The following SPON1 variants were observed in gnomAD, a reference collection of about 807,000 sequenced individuals.
SPON1 encodes spondin-1.
SPON1 carries 52 observed loss-of-function variants against 111.7 expected under a neutral mutation model. That is an observed-to-expected ratio of 0.47 (90% CI 0.37 to 0.59). The LOEUF (loss-of-function observed/expected upper bound fraction) is 0.59. Ranked by LOEUF, SPON1 falls within the 20% of genes least tolerant of loss-of-function variation. The pLI, the probability that SPON1 is intolerant of heterozygous loss-of-function variation, is 0.00. For missense variants in SPON1, 957 were observed against 1,068.5 expected (o/e 0.90, Z 1.46); for synonymous variants, 410 against 395.8 (o/e 1.04, Z -0.43).
intron 7 of SPON1, among the ~76,000 whole-genome samples, chr11:14,244,432 C>A (rs1480353268): frequency 6.6e-6 from 1 of 151,658 alleles, no homozygotes; most frequent in African/African-American, 2.4e-5. Context: ...GCAGGAGAAT[C>A]ACTTGAACCA....
intron 5 of SPON1, among the ~76,000 whole-genome samples, chr11:14,115,128 C>T (rs959895386): frequency 6.6e-6 from 1 of 152,134 alleles, no homozygotes; most frequent in African/African-American, 2.4e-5. Context: ...TCCCTGATAC[C>T]ACCCCCATTA....
At chr11:14,211,071 G>T (rs1554936680) in intron 6 of SPON1, among the ~76,000 whole-genome samples, 2 of 152,122 alleles carry the variant, frequency 1.3e-5, no homozygotes, top group Admixed American at 6.6e-5. Flanking sequence ...CCTTAGGATT[G>T]TCTTGGCTAT....
chr11:14,024,660 T>G (rs556796960), intron 2 of SPON1, among the ~76,000 whole-genome samples: 1 of 152,286 alleles, frequency 6.6e-6, no homozygotes, highest in East Asian at 1.9e-4. Context: ...ATGGGGGGCA[T>G]GGCTGGCCAG....
chr11:13,988,688 C>T (rs1848204454), intron 2 of SPON1, among the ~76,000 whole-genome samples: 2 of 152,220 alleles, frequency 1.3e-5, no homozygotes, highest in South Asian at 4.1e-4. Flanking sequence ...GTGGGTTTGT[C>T]ATAAATAGCT....
At chr11:14,217,786 C>T (rs1178808710) in intron 6 of SPON1, among the ~76,000 whole-genome samples, 1 of 152,132 alleles carries the variant, frequency 6.6e-6, no homozygotes, top group African/African-American at 2.4e-5. Context: ...CTGTAATATA[C>T]TGCTATTATA....
At chr11:14,235,799 G>T (rs1013662786) in intron 6 of SPON1, among the ~76,000 whole-genome samples, 4 of 152,120 alleles carry the variant, frequency 2.6e-5, no homozygotes, top group Non-Finnish European at 5.9e-5. Context: ...TCAAAAAGGG[G>T]GCAGGGACCT....
At chr11:14,172,266 T>G (rs1259842140) in intron 6 of SPON1, among the ~76,000 whole-genome samples, 2 of 151,972 alleles carry the variant, frequency 1.3e-5, no homozygotes, top group Non-Finnish European at 2.9e-5. Flanking sequence ...TTGTCTCTTT[T>G]GATCTTTGTT....
At chr11:14,004,320 G>A (rs1804700574) in intron 2 of SPON1, among the ~76,000 whole-genome samples, 1 of 152,172 alleles carries the variant, frequency 6.6e-6, no homozygotes, top group African/African-American at 2.4e-5. Flanking sequence ...GTGTCTTTAT[G>A]AGGTAGTGAG....
chr11:14,255,803 C>G lies in SPON1; in HGVS notation c.1233+16C>G. On this transcript the variant is annotated intron_variant, in intron 9 of 15. Transcript: ENST00000576479. ...CGCACGGAAGGTACTGGGTTAGAAC[C>G]CACTCTGGCATCGACCTTTCCCGGT... The G allele has an allele frequency of 6.2e-7, 1 of 1,611,474 alleles. No homozygotes were observed. The highest frequency in any genetic ancestry group is 1.1e-5 in the South Asian group (1 of 90,770).
intron 6 of SPON1, among the ~76,000 whole-genome samples, chr11:14,163,842 C>T (rs532506411): frequency 2.6e-5 from 4 of 151,900 alleles, no homozygotes; most frequent in South Asian, 2.1e-4. Flanking sequence ...CCAATTCCCT[C>T]CCCCGCTTTA....
chr11:13,964,134 G>T (rs1415241412), intron 1 of SPON1, among the ~76,000 whole-genome samples: 5 of 152,218 alleles, frequency 3.3e-5, no homozygotes, highest in African/African-American at 1.2e-4. Flanking sequence ...CCTCAGCAGG[G>T]TCATCTCCCC....
intron 5 of SPON1, among the ~76,000 whole-genome samples, chr11:14,091,955 T>G (rs1188741055): frequency 5.9e-5 from 9 of 152,186 alleles, no homozygotes; most frequent in African/African-American, 2.2e-4. Flanking sequence ...CTGCTTGCAC[T>G]TCCTGGGCAA....
chr11:14,188,669 T>G (rs1848312388), intron 6 of SPON1, among the ~76,000 whole-genome samples: 1 of 152,122 alleles, frequency 6.6e-6, no homozygotes, highest in Non-Finnish European at 1.5e-5. Context: ...CAGCATGATG[T>G]GGAGGGAAGC....
chr11:14,265,689 A>G lies in SPON1; in HGVS notation c.*2A>G. 6.2e-7 allele frequency: 1 copy of G among 1,612,982 alleles called. No homozygotes were observed. The highest frequency in any genetic ancestry group is 8.5e-7 in the Non-Finnish European group (1 of 1,179,510). ...GCATGCAATGTTCATCCTTGTTAGC[A>G]AGGGTACGAGTTCCCCAGGGCTGCA... On this transcript the variant is annotated 3_prime_UTR_variant, in exon 16 of 16. Transcript: ENST00000576479.
In SPON1 at chr11:14,162,157, C is replaced by CAAA. The variant is rs72139147; in HGVS notation, c.825+26603_825+26605dup. 8.3e-3 allele frequency among the ~76,000 whole-genome samples: 935 copies of CAAA among 112,548 alleles called. 14 individuals are homozygous for CAAA. Among genetic ancestry groups the CAAA allele is most frequent in the African/African-American group, 0.028 (887 of 32,188 alleles). The allele number at this position is 112,548 out of a possible 152,430, so 73.8% of individuals were successfully genotyped here. On this transcript the variant is annotated intron_variant, in intron 6 of 15. Transcript: ENST00000576479. ...TGGTCAGAAAAGCAAGACTCTGTCT[C>CAAA]AAAAAAAAAAAAAAAAGACAAAATA...
chr11:14,124,075 C>T (rs554609151), intron 5 of SPON1, among the ~76,000 whole-genome samples: 2 of 152,140 alleles, frequency 1.3e-5, no homozygotes, highest in Non-Finnish European at 1.5e-5. Flanking sequence ...CTCTTCTCTG[C>T]TTCACATTGC....
intron 6 of SPON1, among the ~76,000 whole-genome samples, chr11:14,186,013 G>C (rs1212170541): frequency 1.3e-5 from 2 of 152,148 alleles, no homozygotes; most frequent in Non-Finnish European, 2.9e-5. Context: ...GTTGTCTGAG[G>C]ATCAAATGAA....
At chr11:14,247,384 C>T (rs546368736) in intron 7 of SPON1, among the ~76,000 whole-genome samples, 3 of 152,088 alleles carry the variant, frequency 2.0e-5, no homozygotes, top group Non-Finnish European at 2.9e-5. Flanking sequence ...GGTGACAGAG[C>T]GAGACCCTGT....
intron 3 of SPON1, among the ~76,000 whole-genome samples, chr11:14,060,732 T>A (rs1424908686): frequency 6.6e-6 from 1 of 152,198 alleles, no homozygotes; most frequent in Non-Finnish European, 1.5e-5. Context: ...AAATGTCTAC[T>A]ACAGAGTGCC....
Sources: gnomAD v4.1 joint callset for allele counts (sites outside exome capture counted in the v4.1 genomes callset) on GRCh38, gnomAD v4.1.1 for gene constraint, MANE v1.5 for transcripts, NCBI Gene and HGNC (gene_info 2026-07-23, HGNC 2026-07-21) for gene names.